The following DHRS3 variants were observed in gnomAD, a reference collection of about 807,000 sequenced individuals.
The protein encoded by DHRS3 is dehydrogenase/reductase 3.
DHRS3 carries 14 observed loss-of-function variants against 27.2 expected under a neutral mutation model. The ratio of observed to expected loss-of-function variants is 0.52; its 90% CI spans 0.34 to 0.81. The LOEUF (loss-of-function observed/expected upper bound fraction) is 0.81, where lower values mean the gene tolerates loss of function less well. Among genes scored for constraint, DHRS3 ranks in the 30% least tolerant of loss-of-function variants. DHRS3 has a pLI of 0.01. For missense variants in DHRS3, 322 were observed against 406.2 expected (o/e 0.79, Z 1.78); for synonymous variants, 165 against 175.9 (o/e 0.94, Z 0.49).
At chr1:12,585,818 G>A (rs1289214494) in intron 1 of DHRS3, among the ~76,000 whole-genome samples, 1 of 152,252 alleles carries the variant, frequency 6.6e-6, no homozygotes, top group African/African-American at 2.4e-5. Flanking sequence ...GCGGGCGGAG[G>A]CGGGCGTCTG....
intron 1 of DHRS3, among the ~76,000 whole-genome samples, chr1:12,587,533 T>C (rs1047707546): frequency 2.0e-5 from 3 of 151,920 alleles, no homozygotes; most frequent in African/African-American, 7.3e-5. Flanking sequence ...GCAAAAAATA[T>C]CTCTAAAGAA....
rs1646613918 is a variant in DHRS3, at chr1:12,578,713, C to G, written c.698+5G>C. 1 of 1,608,756 alleles carries G rather than the reference C, an allele frequency of 6.2e-7. No individual in the cohort carries two copies. The highest frequency in any genetic ancestry group is 1.3e-5 in the African/African-American group (1 of 74,794). ...GGTCTCAAGGTGGGTCCCCTGCTCA[C>G]TGACCTGACTCTCATGCCCTGGAAC... On this transcript the variant is annotated splice_donor_5th_base_variant and intron_variant, in intron 4 of 5. Transcript: ENST00000616661. This position sits in a 1 kb window ranked among gnomAD's most constrained non-coding sequence, Gnocchi z 4.5.
intron 1 of DHRS3, among the ~76,000 whole-genome samples, chr1:12,604,581 C>T (rs1477747424): frequency 6.6e-6 from 1 of 152,214 alleles, no homozygotes; most frequent in Non-Finnish European, 1.5e-5. Flanking sequence ...TACTAAGCCC[C>T]ATTACTTAAC....
chr1:12,584,364 G>A (rs1485270051), intron 1 of DHRS3, among the ~76,000 whole-genome samples: 1 of 152,064 alleles, frequency 6.6e-6, no homozygotes, highest in East Asian at 1.9e-4. Context: ...AGCCCCCCAG[G>A]CAGGGCCCTA....
At chr1:12,597,833 G>C (rs1646809117) in intron 1 of DHRS3, among the ~76,000 whole-genome samples, 1 of 152,314 alleles carries the variant, frequency 6.6e-6, no homozygotes, top group East Asian at 1.9e-4. Flanking sequence ...GTAAAGAATT[G>C]CAAGATGGTG....
At position 12,568,376 on chromosome 1, in the gene DHRS3, G is replaced by A; in HGVS notation, c.873C>T (p.Thr291=). The change falls in exon 6 of 6, where the codon ACC becomes ACT. Residue 291 remains threonine, a synonymous_variant. Transcript: ENST00000616661. ...CTTTGAAAGTGTTCATGCAGGTGTAGGTTCCTGAGAATTTGTGGATCTCCT... is the reference window on the plus strand; with the variant it reads ...CTTTGAAAGTGTTCATGCAGGTGTAAGTTCCTGAGAATTTGTGGATCTCCT... ...ALEEIHKFSG[T]YTCMNTFKGR... The A allele has an allele frequency of 6.2e-7, 1 of 1,613,998 alleles. No individual in the cohort carries two copies. Among genetic ancestry groups the A allele is most frequent in the Non-Finnish European group, 8.5e-7 (1 of 1,179,856 alleles).
In DHRS3 at chr1:12,616,519, T is replaced by TTGAAGG. The variant is rs898958525; in HGVS notation, c.195+629_195+634dup. 5 of 976,968 alleles carry TTGAAGG rather than the reference T, an allele frequency of 5.1e-6. No homozygotes were observed. The African/African-American group carries it at 7.1e-5, about 14-fold the overall frequency. The allele number at this position is 976,968 out of a possible 1,614,324, so 60.5% of individuals were successfully genotyped here. ...GTGTACTGGGGGGGAGGGGACAGGG[T>TTGAAGG]TGAAGGTGAGAACAAGGGCTCTTTA... On this transcript the variant is annotated intron_variant, in intron 1 of 5. Coordinates refer to ENST00000616661, the MANE Select transcript of DHRS3 (RefSeq NM_004753.7).
chr1:12,600,775 A>G (rs1646830514), intron 1 of DHRS3, among the ~76,000 whole-genome samples: 1 of 152,076 alleles, frequency 6.6e-6, no homozygotes, highest in South Asian at 2.1e-4. Flanking sequence ...AGCAACCATG[A>G]CCTAGCAAAG....
At chr1:12,612,034 G>C in intron 1 of DHRS3, among the ~76,000 whole-genome samples, 1 of 152,192 alleles carries the variant, frequency 6.6e-6, no homozygotes, top group East Asian at 1.9e-4. Context: ...AGACACCTTT[G>C]TTCCCCCAAG....
intron 2 of DHRS3, chr1:12,579,913 G>T: frequency 5.6e-6 from 1 of 179,498 alleles, no homozygotes; most frequent in South Asian, 1.2e-4. Flanking sequence ...TGCCAGCCTA[G>T]TTCCAGTTAT....
chr1:12,600,632 G>A (rs1238641485), intron 1 of DHRS3, among the ~76,000 whole-genome samples: 1 of 152,176 alleles, frequency 6.6e-6, no homozygotes, highest in Admixed American at 6.5e-5. Context: ...TGCTTGCTGG[G>A]CTGTGGGAGC....
chr1:12,611,088 T>C (rs1646906384), intron 1 of DHRS3, among the ~76,000 whole-genome samples: 1 of 152,042 alleles, frequency 6.6e-6, no homozygotes, highest in African/African-American at 2.4e-5. Context: ...CCTCGGCAAA[T>C]ACCAAGATGG....
chr1:12,614,355 T>C (rs984837934), intron 1 of DHRS3, among the ~76,000 whole-genome samples: 6 of 152,098 alleles, frequency 3.9e-5, no homozygotes, highest in Admixed American at 2.6e-4. Flanking sequence ...AATGCTTTTG[T>C]GGAAGGAATT....
intron 5 of DHRS3, 29 bp from the exon 6 acceptor site, chr1:12,568,453 C>T (rs370838830): frequency 1.6e-5 from 25 of 1,607,194 alleles, no homozygotes; most frequent in African/African-American, 5.4e-5. Context: ...AAGAAGATAG[C>T]GATGGTTAGT....
At chr1:12,571,503 C>A (rs995104632) in intron 5 of DHRS3, among the ~76,000 whole-genome samples, 1 of 150,436 alleles carries the variant, frequency 6.6e-6, no homozygotes, top group African/African-American at 2.5e-5. Flanking sequence ...TACCCGGGAT[C>A]TCTTCAGGGG....
intron 1 of DHRS3, among the ~76,000 whole-genome samples, chr1:12,597,997 C>T (rs764822936): frequency 1.3e-5 from 2 of 152,192 alleles, no homozygotes; most frequent in Admixed American, 1.3e-4. Context: ...AAGCCTTCCA[C>T]GCTCCCCCAG....
chr1:12,607,901 G>A (rs1056804220), intron 1 of DHRS3, among the ~76,000 whole-genome samples: 4 of 151,886 alleles, frequency 2.6e-5, no homozygotes, highest in Admixed American at 6.6e-5. Flanking sequence ...GGAGAAAGAC[G>A]CAGTCTTGCT....
In DHRS3 at chr1:12,592,638, G is replaced by C. The variant is rs76261116; in HGVS notation, c.196-11972C>G. ...ACTTCTGGTACCCAGAAATGTGAGA[G>C]CAGCTTTGGTGTTTTGGGCCACACA... is the stretch of plus-strand genomic sequence containing the variant. On this transcript the variant is annotated intron_variant, in intron 1 of 5. Transcript: ENST00000616661. This position sits in a 1 kb window ranked among gnomAD's most constrained non-coding sequence, Gnocchi z 4.2. Among the ~76,000 whole-genome samples, 2 of 152,142 alleles carry C rather than the reference G, an allele frequency of 1.3e-5. No individual in the cohort carries two copies.
At chr1:12,614,327 A>G (rs1646929716) in intron 1 of DHRS3, among the ~76,000 whole-genome samples, 1 of 152,174 alleles carries the variant, frequency 6.6e-6, no homozygotes, top group South Asian at 2.1e-4. Flanking sequence ...GGGAAGGGGA[A>G]TAAGTTTAAG....
Sources: allele counts gnomAD v4.1 joint callset (sites outside exome capture counted in the v4.1 genomes callset), GRCh38; gene constraint gnomAD v4.1.1; non-coding constraint Gnocchi (gnomAD v3.1); transcripts MANE v1.5; gene names NCBI Gene and HGNC (gene_info 2026-07-23, HGNC 2026-07-21).